Variants in CAMSAP1 observed in about 807,000 individuals in gnomAD.
CAMSAP1 encodes calmodulin regulated spectrin associated protein 1.
Under a neutral mutation model 143.5 loss-of-function variants are expected in CAMSAP1, and 58 were observed. The ratio of observed to expected loss-of-function variants is 0.40; its 90% CI spans 0.33 to 0.50. The LOEUF is 0.50. CAMSAP1 is among the 20% of genes least tolerant of loss of function. The pLI, the probability that CAMSAP1 is intolerant of heterozygous loss-of-function variation, is 0.45. For missense variants in CAMSAP1, 1,969 were observed against 2,115.7 expected (o/e 0.93, Z 1.36); for synonymous variants, 945 against 859.3 (o/e 1.10, Z -1.74).
At chr9:135,894,691 C>A (rs71508823) in intron 1 of CAMSAP1, among the ~76,000 whole-genome samples, 3,057 of 152,308 alleles carry the variant, frequency 0.02, 35 homozygotes, top group Non-Finnish European at 0.03. Flanking sequence ...TAAACCTGAA[C>A]AAGGTGACTA....
At chr9:135,852,901 A>C (rs1836830308) in intron 5 of CAMSAP1, among the ~76,000 whole-genome samples, 1 of 152,248 alleles carries the variant, frequency 6.6e-6, no homozygotes, top group South Asian at 2.1e-4. Flanking sequence ...ATGAATAAAG[A>C]AGCAAGCAAG....
In CAMSAP1 at chr9:135,820,951, T is replaced by A; in HGVS notation, c.3710A>T (p.Asp1237Val). The change falls in exon 11 of 17, where the codon GAC becomes GTC. Residue 1237 changes from aspartate (D) to valine (V), a missense_variant. By Grantham distance (152) the Asp-to-Val change is radical. Transcript: ENST00000389532. The surrounding 1 kb of genome is among the most constrained non-coding windows in gnomAD (Gnocchi z 4.4). Reference protein sequence around the residue: ...LRSRASLIEVDLSDLKAPDED... With the variant: ...LRSRASLIEVVLSDLKAPDED... ...GTCGGGGGCCTTCAGGTCGGAGAGG[T>A]CCACTTCAATGAGGCTGGCCCTGCT... 6.2e-7 allele frequency: 1 copy of A among 1,613,140 alleles called. No homozygotes were observed. Among genetic ancestry groups the A allele is most frequent in the African/African-American group, 1.3e-5 (1 of 74,884 alleles).
intron 1 of CAMSAP1, among the ~76,000 whole-genome samples, chr9:135,899,559 T>C (rs1838557158): frequency 6.6e-6 from 1 of 152,078 alleles, no homozygotes; most frequent in Non-Finnish European, 1.5e-5. Context: ...CTTCAGTGGT[T>C]CCCCAATTCC....
In CAMSAP1 at chr9:135,820,779, CT is replaced by C; in HGVS notation, c.3822+59del. On this transcript the variant is annotated intron_variant, in intron 11 of 16. Coordinates refer to ENST00000389532, the MANE Select transcript of CAMSAP1 (RefSeq NM_015447.4). The surrounding 1 kb of genome is among the most constrained non-coding windows in gnomAD (Gnocchi z 4.4). ...GTGCAGATCTGTGTTCTCTAACTCACTATCACGTGGGGTGGCAACACATCAC... is the reference window on the plus strand; with the variant it reads ...GTGCAGATCTGTGTTCTCTAACTCACATCACGTGGGGTGGCAACACATCAC... 6.4e-7 allele frequency: 1 copy of C among 1,574,674 alleles called. No individual in the cohort carries two copies. Among genetic ancestry groups the C allele is most frequent in the South Asian group, 1.2e-5 (1 of 86,896 alleles).
intron 14 of CAMSAP1, among the ~76,000 whole-genome samples, chr9:135,816,326 A>T (rs1835229113): frequency 6.6e-6 from 1 of 152,206 alleles, no homozygotes; most frequent in Non-Finnish European, 1.5e-5. Context: ...AGCACAGGGC[A>T]CAGTGCTGCT....
intron 1 of CAMSAP1, among the ~76,000 whole-genome samples, chr9:135,886,918 C>G (rs1838142487): frequency 6.6e-6 from 1 of 152,192 alleles, no homozygotes; most frequent in Non-Finnish European, 1.5e-5. Flanking sequence ...GCAGGACGGT[C>G]CCTTTTCCTA....
chr9:135,834,588 A>T (rs1478719149), intron 7 of CAMSAP1, among the ~76,000 whole-genome samples: 1 of 152,218 alleles, frequency 6.6e-6, no homozygotes, highest in East Asian at 1.9e-4. Flanking sequence ...TGTATGTGGA[A>T]TCTAAAAAGT....
intron 5 of CAMSAP1, among the ~76,000 whole-genome samples, chr9:135,860,547 A>G (rs374426478): frequency 6.0e-5 from 9 of 149,860 alleles, no homozygotes; most frequent in African/African-American, 2.2e-4. Context: ...GCAGTGAGCC[A>G]AGATCACGCA....
At chr9:135,842,856 A>G (rs1023326065) in intron 7 of CAMSAP1, among the ~76,000 whole-genome samples, 3 of 152,244 alleles carry the variant, frequency 2.0e-5, no homozygotes, top group African/African-American at 4.8e-5. Context: ...ATGGAAAGGA[A>G]AAACTGGTAC....
chr9:135,859,891 G>A (rs376464927), intron 5 of CAMSAP1, among the ~76,000 whole-genome samples: 12 of 151,628 alleles, frequency 7.9e-5, no homozygotes, highest in African/African-American at 2.2e-4. Context: ...TCAAATTTAC[G>A]AACTAGAAGG....
At chr9:135,857,839 G>A (rs1490369627) in intron 5 of CAMSAP1, among the ~76,000 whole-genome samples, 5 of 152,288 alleles carry the variant, frequency 3.3e-5, no homozygotes, top group South Asian at 2.1e-4. Context: ...TCTCACCTTC[G>A]GGTATGAAGA....
chr9:135,822,023 G>C lies in CAMSAP1; in HGVS notation c.2638C>G (p.Gln880Glu). The C allele has an allele frequency of 6.2e-7, 1 of 1,612,866 alleles. No individual in the cohort carries two copies. The highest frequency in any genetic ancestry group is 1.3e-5 in the African/African-American group (1 of 75,060). ...TTCTCCTCCAGCTGCATGTGCAGCT[G>C]TACCAGCTCAGATGCCAGGAGGCTG... ...PASLLASELV[Q>E]LHMQLEEKRR... is the part of the protein sequence containing the mutation. Residue 880 changes from glutamine to glutamate, a missense_variant, in exon 11 of 17, where the codon CAG (glutamine) becomes GAG (glutamate). Physicochemically the swap from Gln to Glu is conservative, Grantham distance 29. Around this residue, in one of 4 missense-constraint regions of CAMSAP1, gnomAD observed 1,390 missense variants for 1,420.8 expected, o/e 0.98. Transcript: ENST00000389532. This position sits in a 1 kb window ranked among gnomAD's most constrained non-coding sequence, Gnocchi z 6.1.
chr9:135,880,037 T>G (rs540607330), intron 3 of CAMSAP1, among the ~76,000 whole-genome samples: 1 of 152,200 alleles, frequency 6.6e-6, no homozygotes, highest in South Asian at 2.1e-4. Context: ...GTGATAAGAT[T>G]ACGGGTAATT....
chr9:135,851,982 C>T (rs375189934), intron 5 of CAMSAP1, among the ~76,000 whole-genome samples: 9 of 152,202 alleles, frequency 5.9e-5, no homozygotes, highest in African/African-American at 2.2e-4. Flanking sequence ...CCAGTCCCAC[C>T]CACAGCACTC....
intron 5 of CAMSAP1, among the ~76,000 whole-genome samples, chr9:135,860,979 C>G (rs1042652061): frequency 1.3e-5 from 2 of 152,202 alleles, no homozygotes; most frequent in African/African-American, 4.8e-5. Context: ...AGTATTCCCA[C>G]GCCACATGGG....
rs1835023349 is a variant in CAMSAP1, at chr9:135,810,888, G to GGT, written c.*419_*420dup. 5.1e-6 allele frequency: 1 copy of GGT among 194,506 alleles called. No individual in the cohort carries two copies. The highest frequency in any genetic ancestry group is 2.3e-5 in the African/African-American group (1 of 42,924). 12.0% of individuals were successfully genotyped at this position (194,506 alleles called of 1,614,324 possible). A position where few individuals can be genotyped will look rare whatever the true frequency, so the allele number is the denominator to read the frequency against. Reference sequence around the variant, plus strand: ...CGAGATTACAGCTGGCCAATATGAGGGTGTCAGGCAATGTGCAAGGGGGCG... The same window carrying GGT: ...CGAGATTACAGCTGGCCAATATGAGGGTGTGTCAGGCAATGTGCAAGGGGGCG... On this transcript the variant is annotated 3_prime_UTR_variant, in exon 17 of 17. Transcript: ENST00000389532.
chr9:135,855,351 T>G (rs1299651995), intron 5 of CAMSAP1, among the ~76,000 whole-genome samples: 1 of 152,162 alleles, frequency 6.6e-6, no homozygotes, highest in African/African-American at 2.4e-5. Context: ...CTCTGTTAGT[T>G]TGCTAAGGAT....
chr9:135,836,494 A>ACGTCAC lies in CAMSAP1; in HGVS notation c.1046-8911_1046-8910insGTGACG. ...ACACTTTCTACCCTGTTCTACAGAC[A>ACGTCAC]CACATCACCACGCACTTTCCACCCA... On this transcript the variant is annotated intron_variant, in intron 7 of 16. Transcript: ENST00000389532. 1.1e-5 allele frequency: 11 copies of ACGTCAC among 982,470 alleles called. No individual in the cohort carries two copies. The African/African-American group carries it at 2.0e-4, about 18-fold the overall frequency. The allele number at this position is 982,470 out of a possible 1,614,324, so 60.9% of individuals were successfully genotyped here. A position where few individuals can be genotyped will look rare whatever the true frequency, so the allele number is the denominator to read the frequency against.
chr9:135,858,369 T>C (rs921500227), intron 5 of CAMSAP1, among the ~76,000 whole-genome samples: 2 of 152,090 alleles, frequency 1.3e-5, no homozygotes, highest in Non-Finnish European at 2.9e-5. Context: ...TAGTAACAAA[T>C]ACCTACTCAA....
Sources: allele counts gnomAD v4.1 joint callset (sites outside exome capture counted in the v4.1 genomes callset), GRCh38; gene constraint gnomAD v4.1.1; regional missense constraint gnomAD v4.1.1; non-coding constraint Gnocchi (gnomAD v3.1); transcripts MANE v1.5; gene names NCBI Gene and HGNC (gene_info 2026-07-23, HGNC 2026-07-21).